The following TRIM66 variants were observed in gnomAD, a reference collection of about 807,000 sequenced individuals.
TRIM66 encodes tripartite motif-containing protein 66.
A neutral mutation model predicts 148.2 loss-of-function variants in TRIM66; 99 were observed. The observed-to-expected ratio is 0.67, with a 90% confidence interval of 0.57 to 0.79. TRIM66 has a LOEUF of 0.79. TRIM66 is among the 30% of genes least tolerant of loss of function. The pLI is 0.00. For synonymous variants in TRIM66, 616 were observed against 635.9 expected (o/e 0.97, Z 0.47); for missense variants, 1,666 against 1,697.9 (o/e 0.98, Z 0.33).
In TRIM66 at chr11:8,622,365, C is replaced by CACACACACACACATATATATATAT; in HGVS notation, c.3080+450_3080+451insATATATATATATGTGTGTGTGTGT. ...ACACACACACACACACACACACACACATATATATATATATATATCTCCTAC... is the reference window on the plus strand; with the variant it reads ...ACACACACACACACACACACACACACACACACACACACATATATATATATATATATATATATATATATCTCCTAC... On this transcript the variant is annotated intron_variant, in intron 18 of 24. Transcript: ENST00000646038. 6.7e-5 allele frequency among the ~76,000 whole-genome samples: 4 copies of CACACACACACACATATATATATAT among 59,612 alleles called. 1 individual carries two copies. The highest frequency in any genetic ancestry group is 1.7e-4 in the African/African-American group (3 of 17,764). 39.1% of individuals were successfully genotyped at this position (59,612 alleles called of 152,430 possible). A position where few individuals can be genotyped will look rare whatever the true frequency, so the allele number is the denominator to read the frequency against.
intron 3 of TRIM66, among the ~76,000 whole-genome samples, chr11:8,678,409 G>C (rs570254577): frequency 6.6e-6 from 1 of 152,100 alleles, no homozygotes; most frequent in African/African-American, 2.4e-5. Flanking sequence ...AATACAAAAG[G>C]ATTTGTATAC....
In TRIM66 at chr11:8,624,880, C is replaced by T; in HGVS notation, c.2659G>A (p.Gly887Ser). The T allele has an allele frequency of 3.2e-6, 5 of 1,551,638 alleles. No individual in the cohort carries two copies. Among genetic ancestry groups the T allele is most frequent in the African/African-American group, 2.7e-5 (2 of 73,158 alleles). ...HPQAGPSLMSGHTQAVPSLAT... is the reference protein window; with the variant it reads ...HPQAGPSLMSSHTQAVPSLAT... ...AGACTCGGCACAGCCTGGGTGTGACCAGACATTAGGCTGGGCCCAGCCTGA... is the reference window on the plus strand; with the variant it reads ...AGACTCGGCACAGCCTGGGTGTGACTAGACATTAGGCTGGGCCCAGCCTGA... The change falls in exon 16 of 25, where the codon GGT (glycine) becomes AGT (serine). Residue 887 changes from glycine (G) to serine (S), a missense_variant. Physicochemically the swap from Gly to Ser is moderately conservative, Grantham distance 56. Transcript: ENST00000646038.
chr11:8,672,333 C>A lies in TRIM66; in HGVS notation c.-59G>T. On this transcript the variant is annotated 5_prime_UTR_variant, in exon 5 of 25. Coordinates refer to ENST00000646038, the MANE Select transcript of TRIM66 (RefSeq NM_001388022.1). ...GCTGTTTGTCTGAAGGCGAACAAACCCTTCAAAAGTGTCCCGTACCTGTGC... is the reference window on the plus strand; with the variant it reads ...GCTGTTTGTCTGAAGGCGAACAAACACTTCAAAAGTGTCCCGTACCTGTGC... 6.5e-7 allele frequency: 1 copy of A among 1,535,664 alleles called. No homozygotes were observed. Among genetic ancestry groups the A allele is most frequent in the South Asian group, 1.2e-5 (1 of 84,000 alleles).
chr11:8,667,897 G>T (rs1393391342), intron 6 of TRIM66, among the ~76,000 whole-genome samples: 1 of 152,144 alleles, frequency 6.6e-6, no homozygotes, highest in Non-Finnish European at 1.5e-5. Context: ...ATCTCTTCAA[G>T]TCCCTACTTT....
intron 1 of TRIM66, among the ~76,000 whole-genome samples, chr11:8,681,768 G>C (rs1327852785): frequency 6.6e-6 from 1 of 152,108 alleles, no homozygotes. Context: ...GTCTAGTAGG[G>C]AAGACAAACG....
chr11:8,624,287 CTT>C, intron 17 of TRIM66, 70 bp downstream of exon 17: 1 of 1,493,966 alleles, frequency 6.7e-7, no homozygotes, highest in Non-Finnish European at 9.0e-7. Flanking sequence ...GCTGGCCTCT[CTT>C]ACCTAGAAGT....
intron 15 of TRIM66, among the ~76,000 whole-genome samples, chr11:8,638,290 G>A (rs1452518462): frequency 3.3e-5 from 5 of 152,352 alleles, no homozygotes; most frequent in East Asian, 1.9e-4. Context: ...TTCCTTAGCT[G>A]TACAATGGGG....
At chr11:8,681,355 G>A (rs186263364) in intron 1 of TRIM66, among the ~76,000 whole-genome samples, 17 of 151,958 alleles carry the variant, frequency 1.1e-4, no homozygotes, top group Non-Finnish European at 2.1e-4. Context: ...GGATGGTCTC[G>A]ATCTCCTGAC....
chr11:8,662,016 C>T (rs1430172856), intron 6 of TRIM66, among the ~76,000 whole-genome samples: 2 of 152,190 alleles, frequency 1.3e-5, no homozygotes, highest in African/African-American at 2.4e-5. Flanking sequence ...TCTGGGGTGC[C>T]AGTGCTATTC....
chr11:8,645,795 G>C lies in TRIM66; in HGVS notation c.1050C>G (p.Ile350Met). Residue 350 changes from isoleucine to methionine, a missense_variant, in exon 12 of 25, where the codon ATC becomes ATG. Around this residue, in one of 3 missense-constraint regions of TRIM66, gnomAD observed 1,431 missense variants for 1,412.4 expected, o/e 1.01. Transcript: ENST00000646038. Reference protein sequence around the residue: ...NRQFEHVQNFINWAVCSKTSV... With the variant: ...NRQFEHVQNFMNWAVCSKTSV... ...TGGTTTTGCTGCAGACAGCCCAGTTGATGAAATTCTGCACATGCTCAAACT... is the reference window on the plus strand; with the variant it reads ...TGGTTTTGCTGCAGACAGCCCAGTTCATGAAATTCTGCACATGCTCAAACT... 6.4e-7 allele frequency: 1 copy of C among 1,551,792 alleles called. No individual in the cohort carries two copies. Among genetic ancestry groups the C allele is most frequent in the Non-Finnish European group, 8.7e-7 (1 of 1,147,004 alleles).
chr11:8,633,499 G>C (rs2035604927), intron 15 of TRIM66, among the ~76,000 whole-genome samples: 1 of 151,808 alleles, frequency 6.6e-6, no homozygotes, highest in South Asian at 2.1e-4. Context: ...AGGCTTCTTA[G>C]AGTGTGCTAA....
chr11:8,671,565 G>A (rs1429840511), intron 6 of TRIM66, among the ~76,000 whole-genome samples: 4 of 152,158 alleles, frequency 2.6e-5, no homozygotes, highest in African/African-American at 9.7e-5. Flanking sequence ...ACCAATTTAA[G>A]GAAATCCCAA....
intron 6 of TRIM66, among the ~76,000 whole-genome samples, chr11:8,659,163 G>C (rs1296086830): frequency 1.3e-5 from 2 of 152,092 alleles, no homozygotes; most frequent in African/African-American, 4.8e-5. Flanking sequence ...GGGAGTGGCA[G>C]GGATGTGCTT....
intron 1 of TRIM66, 137 bp downstream of exon 1, chr11:8,682,464 T>G: frequency 2.7e-6 from 1 of 375,618 alleles, no homozygotes; most frequent in South Asian, 3.0e-5. Context: ...GCCCTTAGGG[T>G]CGGCTTAGGC....
At chr11:8,643,551 C>T (rs1010414291) in intron 12 of TRIM66, among the ~76,000 whole-genome samples, 2 of 152,074 alleles carry the variant, frequency 1.3e-5, no homozygotes, top group Non-Finnish European at 2.9e-5. Context: ...ACTGTGTTAG[C>T]CAGGATGGTC....
In TRIM66 at chr11:8,620,619, A is replaced by T. The variant is rs752536868; in HGVS notation, c.3546-47T>A. On this transcript the variant is annotated intron_variant, in intron 20 of 24. Coordinates refer to ENST00000646038, the MANE Select transcript of TRIM66 (RefSeq NM_001388022.1). ...TGTTAGGCCTCAGCACATTGCCCAG[A>T]GCACCCTTCCCTCTCCCTCTGCCCT... The T allele has an allele frequency of 5.8e-6, 9 of 1,540,764 alleles. No individual in the cohort carries two copies. In the South Asian group the frequency reaches 9.6e-5, roughly 16 times the overall value.
intron 4 of TRIM66, 133 bp from the exon 5 acceptor site, chr11:8,672,518 G>A (rs1341236273): frequency 3.9e-6 from 4 of 1,030,090 alleles, no homozygotes; most frequent in African/African-American, 3.3e-5. Flanking sequence ...ACAGGCTGAG[G>A]AAACAGTGTT....
In TRIM66 at chr11:8,671,974, C is replaced by T; in HGVS notation, c.152G>A (p.Gly51Asp). 2.0e-6 allele frequency: 3 copies of T among 1,536,132 alleles called. No homozygotes were observed. The highest frequency in any genetic ancestry group is 1.2e-5 in the South Asian group (1 of 84,066). The change falls in exon 6 of 25, where the codon GGC (glycine) becomes GAC (aspartate). Residue 51 changes from glycine to aspartate, a missense_variant. Physicochemically the swap from Gly to Asp is moderately conservative, Grantham distance 94. Coordinates refer to ENST00000646038, the MANE Select transcript of TRIM66 (RefSeq NM_001388022.1). Reference sequence around the variant, plus strand: ...TCCACTCTTAGGGCAGTGTTTCTGGCCAGCTAGTGGCAGCCCCATAAAGCT... The same window carrying T: ...TCCACTCTTAGGGCAGTGTTTCTGGTCAGCTAGTGGCAGCCCCATAAAGCT... ...GMSFMGLPLA[G>D]QKHCPKSGQM...
chr11:8,647,920 G>C, intron 10 of TRIM66, 50 bp downstream of exon 10: 1 of 1,418,326 alleles, frequency 7.1e-7, no homozygotes, highest in Non-Finnish European at 9.7e-7. Context: ...AACCCTGGGT[G>C]TGCGGGAACA....
Sources: gnomAD v4.1 joint callset for allele counts (sites outside exome capture counted in the v4.1 genomes callset) on GRCh38, gnomAD v4.1.1 for gene constraint, gnomAD v4.1.1 regional missense constraint, MANE v1.5 for transcripts, NCBI Gene and HGNC (gene_info 2026-07-23, HGNC 2026-07-21) for gene names.